Variants in CALN1 observed in about 807,000 individuals in gnomAD.
CALN1 encodes calneuron 1, also known as calcium-binding protein 8.
CALN1 carries 17 observed loss-of-function variants against 30.6 expected under a neutral mutation model. The ratio of observed to expected loss-of-function variants is 0.56; its 90% CI spans 0.38 to 0.83. CALN1 has a LOEUF of 0.83. Among genes scored for constraint, CALN1 ranks in the 40% least tolerant of loss-of-function variants. The pLI is 0.00. For synonymous variants in CALN1, 156 were observed against 131.4 expected (o/e 1.19, Z -1.28); for missense variants, 291 against 354.9 (o/e 0.82, Z 1.45).
chr7:72,065,321 GCCA>G (rs1316840992), intron 4 of CALN1, among the ~76,000 whole-genome samples: 1 of 151,868 alleles, frequency 6.6e-6, no homozygotes, highest in African/African-American at 2.4e-5. Context: ...AGTTTTAGTA[GCCA>G]CATAACTCTA....
At chr7:72,244,785 T>C (rs1267504275) in intron 3 of CALN1, among the ~76,000 whole-genome samples, 1 of 152,034 alleles carries the variant, frequency 6.6e-6, no homozygotes, top group Non-Finnish European at 1.5e-5. Context: ...TACCAATGGA[T>C]AGAAAGAATG....
chr7:72,362,658 G>A (rs559543979), intron 2 of CALN1, among the ~76,000 whole-genome samples: 2 of 152,264 alleles, frequency 1.3e-5, no homozygotes, highest in African/African-American at 4.8e-5. Flanking sequence ...ACAGCTGGCT[G>A]TCATTCTGTC....
At chr7:72,048,041 CTTTT>C (rs1159186115) in intron 4 of CALN1, among the ~76,000 whole-genome samples, 1 of 127,604 alleles carries the variant, frequency 7.8e-6, no homozygotes. Context: ...TCTTCTTCTT[CTTTT>C]TTTTTTTTTT....
At chr7:72,296,474 C>G (rs139333198) in intron 2 of CALN1, among the ~76,000 whole-genome samples, 3 of 150,914 alleles carry the variant, frequency 2.0e-5, no homozygotes, top group African/African-American at 7.3e-5. Context: ...AGAATTCGGC[C>G]GTGAATCCAT....
At chr7:71,834,548 G>A (rs1584329612) in intron 5 of CALN1, among the ~76,000 whole-genome samples, 1 of 152,082 alleles carries the variant, frequency 6.6e-6, no homozygotes, top group South Asian at 2.1e-4. Context: ...GTTCTGAGAT[G>A]TAAAAGTGTT....
chr7:72,484,911 T>G, the CALN1 span, among the ~76,000 whole-genome samples: 1 of 152,182 alleles, frequency 6.6e-6, no homozygotes, highest in Non-Finnish European at 1.5e-5. Context: ...ATTTTGTCTT[T>G]TTTGTGTGTC....
intron 2 of CALN1, among the ~76,000 whole-genome samples, chr7:72,371,983 C>G (rs1804272880): frequency 6.6e-6 from 1 of 152,176 alleles, no homozygotes; most frequent in African/African-American, 2.4e-5. Context: ...CAAACTGGTA[C>G]TGAGTTTACC....
At chr7:72,202,998 A>G (rs1791548485) in intron 3 of CALN1, among the ~76,000 whole-genome samples, 1 of 152,200 alleles carries the variant, frequency 6.6e-6, no homozygotes, top group African/African-American at 2.4e-5. Context: ...ATGGAATACT[A>G]TGCAGCCATA....
At chr7:71,831,513 T>C (rs1163459579) in intron 5 of CALN1, among the ~76,000 whole-genome samples, 2 of 151,706 alleles carry the variant, frequency 1.3e-5, no homozygotes, top group Non-Finnish European at 2.9e-5. Context: ...ATAATATGAA[T>C]AGCAATAATA....
chr7:72,124,114 C>T (rs1808576459), intron 3 of CALN1, among the ~76,000 whole-genome samples: 1 of 152,160 alleles, frequency 6.6e-6, no homozygotes, highest in South Asian at 2.1e-4. Context: ...CCAATCATTC[C>T]GTATTTCCCC....
At chr7:72,157,262 T>C (rs1302048036) in intron 3 of CALN1, among the ~76,000 whole-genome samples, 1 of 152,172 alleles carries the variant, frequency 6.6e-6, no homozygotes, top group African/African-American at 2.4e-5. Context: ...CAAAGATGAA[T>C]AAGACATGGT....
chr7:72,391,995 C>A (rs1162109235), intron 2 of CALN1, among the ~76,000 whole-genome samples: 2 of 152,200 alleles, frequency 1.3e-5, no homozygotes, highest in Admixed American at 6.5e-5. Flanking sequence ...TAGAGTATGG[C>A]AGAAGCAATA....
At chr7:72,360,566 T>A (rs1803511099) in intron 2 of CALN1, among the ~76,000 whole-genome samples, 1 of 151,392 alleles carries the variant, frequency 6.6e-6, no homozygotes, top group Non-Finnish European at 1.5e-5. Context: ...AACGATAGCA[T>A]TAGATAGAGA....
the CALN1 span, among the ~76,000 whole-genome samples, chr7:72,454,889 T>C: frequency 5.3e-5 from 8 of 151,692 alleles, no homozygotes; most frequent in Non-Finnish European, 8.8e-5. Flanking sequence ...TGGAGTTCAA[T>C]GGCACCATAT....
intron 6 of CALN1, among the ~76,000 whole-genome samples, chr7:71,805,883 T>C (rs1183562176): frequency 6.6e-6 from 1 of 152,110 alleles, no homozygotes; most frequent in Admixed American, 6.6e-5. Context: ...TGTGTACATA[T>C]ACACAATGGC....
intron 4 of CALN1, among the ~76,000 whole-genome samples, chr7:72,089,721 G>C (rs1805725644): frequency 6.6e-6 from 1 of 152,110 alleles, no homozygotes; most frequent in Non-Finnish European, 1.5e-5. Context: ...AAGAACATTT[G>C]CACTGATAAA....
At chr7:71,968,683 CG>C (rs750067421) in intron 5 of CALN1, among the ~76,000 whole-genome samples, 18 of 151,642 alleles carry the variant, frequency 1.2e-4, no homozygotes, top group Non-Finnish European at 2.7e-4. Context: ...TGCCGGGACC[CG>C]GGGTGATGGA....
intron 2 of CALN1, among the ~76,000 whole-genome samples, chr7:72,315,200 GAAAT>G (rs1308986974): frequency 6.6e-6 from 1 of 151,676 alleles, no homozygotes; most frequent in Non-Finnish European, 1.5e-5. Context: ...TAATACTAAA[GAAAT>G]AAAGGGATAA....
At chr7:72,087,679 A>G (rs777224478) in intron 4 of CALN1, among the ~76,000 whole-genome samples, 8 of 152,202 alleles carry the variant, frequency 5.3e-5, no homozygotes, top group Admixed American at 2.6e-4. Flanking sequence ...AGCAGGAAAT[A>G]TATGTATGAG....
Sources: allele counts gnomAD v4.1 joint callset (sites outside exome capture counted in the v4.1 genomes callset), GRCh38; gene constraint gnomAD v4.1.1; transcripts MANE v1.5; gene names NCBI Gene and HGNC (gene_info 2026-07-23, HGNC 2026-07-21).